HS3ST4: variants seen among roughly 807,000 people sequenced by gnomAD.
HS3ST4 encodes the protein heparan sulfate glucosamine 3-O-sulfotransferase 4.
HS3ST4 carries 17 observed loss-of-function variants against 29.2 expected under a neutral mutation model. The ratio of observed to expected loss-of-function variants is 0.58; its 90% confidence interval spans 0.40 to 0.87. The LOEUF is 0.87. Among genes scored for constraint, HS3ST4 ranks in the 40% least tolerant of loss-of-function variants. The pLI, the probability that HS3ST4 is intolerant of heterozygous loss-of-function variation, is 0.00. For missense variants in HS3ST4, 627 were observed against 634.5 expected (o/e 0.99, Z 0.13); for synonymous variants, 314 against 285.7 (o/e 1.10, Z -1.00).
At chr16:25,802,214 A>C (rs1297297581) in intron 1 of HS3ST4, among the ~76,000 whole-genome samples, 1 of 152,044 alleles carries the variant, frequency 6.6e-6, no homozygotes, top group Non-Finnish European at 1.5e-5. Context: ...TTTAGATTTA[A>C]CTCTGTAAAC....
intron 1 of HS3ST4, among the ~76,000 whole-genome samples, chr16:25,794,272 T>C (rs1211829396): frequency 3.9e-5 from 6 of 152,102 alleles, no homozygotes; most frequent in African/African-American, 1.4e-4. Context: ...ACATGATACT[T>C]CTCTGTAAAG....
At chr16:25,828,315 T>TTC (rs1212906110) in intron 1 of HS3ST4, among the ~76,000 whole-genome samples, 1 of 128,970 alleles carries the variant, frequency 7.8e-6, no homozygotes, top group Non-Finnish European at 1.6e-5. Context: ...TCTCTCTCTC[T>TTC]CTCTCTCTCT....
chr16:26,120,509 C>A (rs1026170981), intron 1 of HS3ST4, among the ~76,000 whole-genome samples: 1 of 152,198 alleles, frequency 6.6e-6, no homozygotes, highest in African/African-American at 2.4e-5. Context: ...GGGCTTCTGG[C>A]TGAATTTACT....
At chr16:26,027,610 A>G (rs1196097856) in intron 1 of HS3ST4, among the ~76,000 whole-genome samples, 1 of 152,262 alleles carries the variant, frequency 6.6e-6, no homozygotes, top group Non-Finnish European at 1.5e-5. Context: ...AGTGAATGAG[A>G]CAGCAGAAGA....
rs547143515 is a variant in HS3ST4 at position 25,896,039 on chromosome 16, C to T, written c.734+202888C>T. Among the ~76,000 whole-genome samples, 79 of 152,238 alleles carry T rather than the reference C, an allele frequency of 5.2e-4. No individual in the cohort carries two copies. The South Asian group carries it at 0.016, about 31-fold the overall frequency. On this transcript the variant is annotated intron_variant, in intron 1 of 1. Transcript: ENST00000331351. Reference sequence around the variant, plus strand: ...GGAATGGGAGGTGCTGGGCTAGGCTCCACATCATGTCCCTCTGGACCCCAC... The same window carrying T: ...GGAATGGGAGGTGCTGGGCTAGGCTTCACATCATGTCCCTCTGGACCCCAC...
At chr16:25,838,104 CAGCTAT>C (rs1967378973) in intron 1 of HS3ST4, among the ~76,000 whole-genome samples, 1 of 152,190 alleles carries the variant, frequency 6.6e-6, no homozygotes, top group East Asian at 1.9e-4. Flanking sequence ...TGCAGCTTCT[CAGCTAT>C]GTAAATGTGC....
At chr16:25,917,522 C>G (rs968005858) in intron 1 of HS3ST4, among the ~76,000 whole-genome samples, 3 of 152,200 alleles carry the variant, frequency 2.0e-5, no homozygotes, top group Non-Finnish European at 2.9e-5. Flanking sequence ...ATCGCTCTTT[C>G]TAAACAGACC....
At chr16:25,939,394 A>G (rs1056995765) in intron 1 of HS3ST4, among the ~76,000 whole-genome samples, 1 of 151,316 alleles carries the variant, frequency 6.6e-6, no homozygotes, top group African/African-American at 2.4e-5. Flanking sequence ...CTGGAGTGCA[A>G]TGGCATGATC....
At chr16:25,846,731 A>G (rs1022127372) in intron 1 of HS3ST4, among the ~76,000 whole-genome samples, 1 of 152,100 alleles carries the variant, frequency 6.6e-6, no homozygotes, top group Non-Finnish European at 1.5e-5. Context: ...TTGATTATAT[A>G]TATCTATATT....
intron 1 of HS3ST4, among the ~76,000 whole-genome samples, chr16:25,793,665 T>A (rs1334742680): frequency 6.6e-6 from 1 of 152,048 alleles, no homozygotes; most frequent in African/African-American, 2.4e-5. Context: ...CCTTTATTTG[T>A]TCTTATATTT....
At chr16:26,092,798 C>T (rs550095517) in intron 1 of HS3ST4, among the ~76,000 whole-genome samples, 53 of 152,126 alleles carry the variant, frequency 3.5e-4, no homozygotes, top group African/African-American at 5.1e-4. Flanking sequence ...TTGCCTCACC[C>T]GGGAAGTGCA....
chr16:25,810,905 T>A (rs1417848311), intron 1 of HS3ST4, among the ~76,000 whole-genome samples: 1 of 152,170 alleles, frequency 6.6e-6, no homozygotes, highest in East Asian at 1.9e-4. Flanking sequence ...AAAGCAAAAC[T>A]CAGGAGAAAA....
chr16:26,136,083 C>G lies in HS3ST4; in HGVS notation c.1206C>G (p.Asp402Glu). 1.2e-6 allele frequency: 2 copies of G among 1,613,836 alleles called. No homozygotes were observed. Among genetic ancestry groups the G allele is most frequent in the South Asian group, 1.1e-5 (1 of 91,078 alleles). ...TCCCTTGCCTAAAGAAGCCAGAAGA[C>G]AGCAGTGCCCCGAGGTGCTTAGGCA... is the stretch of plus-strand genomic sequence containing the variant. ...KGFPCLKKPEDSSAPRCLGKS... is the reference protein window; with the variant it reads ...KGFPCLKKPEESSAPRCLGKS... Residue 402 changes from aspartate (D) to glutamate (E), a missense_variant, in exon 2 of 2, where the codon GAC becomes GAG. By Grantham distance (45) the Asp-to-Glu change is conservative. This residue lies in a region of HS3ST4 where 225 missense variants were observed against 293.7 expected (regional missense o/e 0.77). Coordinates refer to ENST00000331351, the MANE Select transcript of HS3ST4 (RefSeq NM_006040.3).
intron 1 of HS3ST4, among the ~76,000 whole-genome samples, chr16:25,911,496 GTTTTTTTTT>G (rs542274531): frequency 4.9e-5 from 4 of 82,014 alleles, no homozygotes; most frequent in African/African-American, 1.9e-4. Context: ...CCGTTGTGTG[GTTTTTTTTT>G]TTTTTTTTTT....
At chr16:25,874,891 G>T (rs571710194) in intron 1 of HS3ST4, among the ~76,000 whole-genome samples, 1 of 152,104 alleles carries the variant, frequency 6.6e-6, no homozygotes, top group Non-Finnish European at 1.5e-5. Context: ...AAGTTAGTTA[G>T]CCTGTGCTTC....
chr16:25,935,253 C>T (rs574585317), intron 1 of HS3ST4, among the ~76,000 whole-genome samples: 1 of 152,240 alleles, frequency 6.6e-6, no homozygotes, highest in South Asian at 2.1e-4. Flanking sequence ...AATACACTCC[C>T]CCATGATCAA....
intron 1 of HS3ST4, among the ~76,000 whole-genome samples, chr16:25,832,554 T>C (rs1967315016): frequency 6.6e-6 from 1 of 152,250 alleles, no homozygotes; most frequent in Non-Finnish European, 1.5e-5. Flanking sequence ...ATAATAAATG[T>C]TTTTAAGAAC....
chr16:25,822,241 A>G (rs909360959), intron 1 of HS3ST4, among the ~76,000 whole-genome samples: 7 of 152,050 alleles, frequency 4.6e-5, no homozygotes, highest in Non-Finnish European at 7.4e-5. Context: ...GTGCCAGCAG[A>G]TCTGGTGTCT....
intron 1 of HS3ST4, among the ~76,000 whole-genome samples, chr16:26,022,420 G>T (rs1367692784): frequency 6.6e-6 from 1 of 152,136 alleles, no homozygotes; most frequent in Non-Finnish European, 1.5e-5. Flanking sequence ...AAAATTGGGG[G>T]AGGGGACATA....
Sources: allele counts gnomAD v4.1 joint callset (sites outside exome capture counted in the v4.1 genomes callset), GRCh38; gene constraint gnomAD v4.1.1; regional missense constraint gnomAD v4.1.1; transcripts MANE v1.5; gene names NCBI Gene and HGNC (gene_info 2026-07-23, HGNC 2026-07-21).